SMIM35: variants seen among roughly 807,000 people sequenced by gnomAD.
SMIM35 encodes the protein small integral membrane protein 35.
intron 4 of SMIM35, among the ~76,000 whole-genome samples, chr11:118,012,018 C>T (rs2058153220): frequency 6.6e-6 from 1 of 152,336 alleles, no homozygotes; most frequent in South Asian, 2.1e-4. Flanking sequence ...TCCCCACCTT[C>T]CTTCCTCTAC....
At chr11:118,011,359 A>T (rs1176294529) in intron 4 of SMIM35, among the ~76,000 whole-genome samples, 1 of 152,102 alleles carries the variant, frequency 6.6e-6, no homozygotes, top group Non-Finnish European at 1.5e-5. Context: ...TGGACTGCAG[A>T]CCCAGGATCC....
At chr11:118,027,329 CT>C (rs142012643) in intron 1 of SMIM35, among the ~76,000 whole-genome samples, 15 of 148,338 alleles carry the variant, frequency 1.0e-4, no homozygotes, top group Non-Finnish European at 1.0e-4. Flanking sequence ...GCCCGGCCCA[CT>C]TTTTTTTTTG....
intron 1 of SMIM35, among the ~76,000 whole-genome samples, chr11:118,085,226 C>CTTCT (rs1555080970): frequency 1.4e-4 from 20 of 141,856 alleles, no homozygotes; most frequent in Non-Finnish European, 2.6e-4. Context: ...TCTTCTTCTT[C>CTTCT]TTTTTTTTTT....
chr11:118,065,483 G>C (rs7114711), intron 1 of SMIM35, among the ~76,000 whole-genome samples: 3 of 152,142 alleles, frequency 2.0e-5, no homozygotes, highest in South Asian at 2.1e-4. Flanking sequence ...CACACCTTCC[G>C]TCGCTGGCCA....
At chr11:118,073,399 G>T (rs1242797108) in intron 1 of SMIM35, among the ~76,000 whole-genome samples, 4 of 152,228 alleles carry the variant, frequency 2.6e-5, no homozygotes, top group East Asian at 3.8e-4. Flanking sequence ...CAGGCCACTA[G>T]AGCTCAAGCT....
intron 1 of SMIM35, chr11:118,025,660 T>C (rs1395603762): frequency 2.2e-6 from 1 of 445,374 alleles, no homozygotes; most frequent in African/African-American, 2.0e-5. Flanking sequence ...GCTTGTCAGA[T>C]TGCCCAAGTT....
At chr11:118,054,387 G>A (rs1944277233) in intron 1 of SMIM35, among the ~76,000 whole-genome samples, 1 of 152,140 alleles carries the variant, frequency 6.6e-6, no homozygotes. Context: ...CTTGCAGCTT[G>A]GAATGCAGCT....
chr11:118,081,630 C>T (rs1217997772), intron 1 of SMIM35, among the ~76,000 whole-genome samples: 3 of 152,246 alleles, frequency 2.0e-5, no homozygotes, highest in African/African-American at 7.2e-5. Context: ...GTGGCAGTCG[C>T]GTCTCCTGTC....
intron 1 of SMIM35, among the ~76,000 whole-genome samples, chr11:118,035,980 T>G (rs1300207873): frequency 6.6e-6 from 1 of 152,186 alleles, no homozygotes; most frequent in Non-Finnish European, 1.5e-5. Flanking sequence ...CTTCGCCTCC[T>G]GGGTTCCAGC....
intron 1 of SMIM35, among the ~76,000 whole-genome samples, chr11:118,044,801 TA>T (rs56326853): frequency 0.01 from 137 of 13,052 alleles, 3 homozygotes; most frequent in African/African-American, 0.021. Flanking sequence ...TTCATTCTAC[TA>T]AAAAAAAAAC....
intron 4 of SMIM35, among the ~76,000 whole-genome samples, chr11:118,008,634 A>G (rs923555774): frequency 6.6e-6 from 1 of 152,246 alleles, no homozygotes; most frequent in Admixed American, 6.5e-5. Flanking sequence ...ACAAGGTTGA[A>G]TGTAGTCAAG....
chr11:118,049,515 A>G (rs1217235020), intron 1 of SMIM35, among the ~76,000 whole-genome samples: 2 of 151,186 alleles, frequency 1.3e-5, no homozygotes, highest in Non-Finnish European at 3.0e-5. Context: ...CGCCCGGCTA[A>G]TTTTTGTATT....
At chr11:118,053,048 G>A (rs541336068) in intron 1 of SMIM35, among the ~76,000 whole-genome samples, 3 of 152,252 alleles carry the variant, frequency 2.0e-5, no homozygotes, top group Non-Finnish European at 4.4e-5. Context: ...GCTCACACCC[G>A]GAATCCCAGC....
chr11:118,014,804 T>G, intron 2 of SMIM35, 63 bp from the exon 3 acceptor site: 2 of 398,744 alleles, frequency 5.0e-6, no homozygotes, highest in Non-Finnish European at 8.8e-6. Flanking sequence ...GCCACCCTTC[T>G]AAGAACGTCT....
chr11:118,085,744 G>A lies in SMIM35; in HGVS notation c.7+1007C>T, dbSNP rs111549109. Among the ~76,000 whole-genome samples the A allele has an allele frequency of 2.6e-3, 394 of 152,272 alleles. 4 individuals are homozygous for A. The highest frequency in any genetic ancestry group is 9.2e-3 in the African/African-American group (381 of 41,558). On this transcript the variant is annotated intron_variant, in intron 1 of 4. Coordinates refer to ENST00000689828, the MANE Select transcript of SMIM35 (RefSeq NM_001394165.1). ...AGGCTGAAAGGCTGAACTGTGTGGC[G>A]GGACCCCTTCTGGCCCTCTCGAGTC...
chr11:118,062,473 A>T (rs1471258842), intron 1 of SMIM35, among the ~76,000 whole-genome samples: 1 of 152,196 alleles, frequency 6.6e-6, no homozygotes, highest in Non-Finnish European at 1.5e-5. Context: ...TTCCCGGCCA[A>T]AGCAAAGGTG....
chr11:118,040,479 G>A (rs1002279786), intron 1 of SMIM35, among the ~76,000 whole-genome samples: 21 of 152,146 alleles, frequency 1.4e-4, no homozygotes, highest in Admixed American at 1.1e-3. Flanking sequence ...TCAACCAAAA[G>A]TCCTACGTTT....
chr11:118,021,754 A>G (rs956307333), intron 1 of SMIM35, among the ~76,000 whole-genome samples: 4 of 152,232 alleles, frequency 2.6e-5, no homozygotes, highest in African/African-American at 4.8e-5. Flanking sequence ...ATTTCATTAT[A>G]TAGCTTTAAA....
At chr11:118,075,006 G>T (rs1409939027) in intron 1 of SMIM35, among the ~76,000 whole-genome samples, 2 of 152,206 alleles carry the variant, frequency 1.3e-5, no homozygotes, top group Non-Finnish European at 2.9e-5. Context: ...ATGCCCAGCA[G>T]CCTTCATGCC....
Sources: gnomAD v4.1 joint callset for allele counts (sites outside exome capture counted in the v4.1 genomes callset) on GRCh38, gnomAD v4.1.1 for gene constraint, MANE v1.5 for transcripts, NCBI Gene and HGNC (gene_info 2026-07-23, HGNC 2026-07-21) for gene names.